COL24A1: variants seen among roughly 807,000 people sequenced by gnomAD.
COL24A1 encodes the protein collagen alpha-1(XXIV) chain.
A neutral mutation model predicts 253.9 loss-of-function variants in COL24A1; 224 were observed. The observed-to-expected ratio is 0.88, with a 90% CI of 0.79 to 0.99. The LOEUF (loss-of-function observed/expected upper bound fraction) is 0.99, where lower values mean the gene tolerates loss of function less well. COL24A1 is among the 50% of genes least tolerant of loss of function. The pLI is 0.00. For missense variants in COL24A1, 2,131 were observed against 2,068.5 expected (o/e 1.03, Z -0.59); for synonymous variants, 685 against 673.7 (o/e 1.02, Z -0.26).
At chr1:85,823,361 A>T (rs1673859736) in intron 45 of COL24A1, among the ~76,000 whole-genome samples, 175 bp downstream of exon 45, 1 of 152,228 alleles carries the variant, frequency 6.6e-6, no homozygotes, top group African/African-American at 2.4e-5. Context: ...GACTCAATCA[A>T]TAATTTTGTA....
intron 1 of COL24A1, among the ~76,000 whole-genome samples, chr1:86,152,175 T>G (rs11161757): frequency 0.084 from 12,741 of 152,238 alleles, 621 homozygotes; most frequent in East Asian, 0.22. Context: ...TACTTGCAAT[T>G]AATTTTTCAG....
intron 7 of COL24A1, among the ~76,000 whole-genome samples, chr1:86,078,983 C>T (rs1702441849): frequency 1.3e-5 from 2 of 151,932 alleles, no homozygotes; most frequent in Non-Finnish European, 2.9e-5. Context: ...ACCACAAAAA[C>T]CCAGAATAGC....
At chr1:85,845,943 A>C (rs543353526) in intron 39 of COL24A1, among the ~76,000 whole-genome samples, 1 of 151,918 alleles carries the variant, frequency 6.6e-6, no homozygotes, top group African/African-American at 2.4e-5. Context: ...CAAGAGTCAA[A>C]CTTTTTTGTA....
chr1:85,759,017 GCTCTAAAAA>G (rs1666566793), intron 55 of COL24A1, among the ~76,000 whole-genome samples: 1 of 151,780 alleles, frequency 6.6e-6, no homozygotes, highest in Middle Eastern at 3.4e-3. Context: ...TATTTCATTT[GCTCTAAAAA>G]TAATCCTGAA....
intron 53 of COL24A1, among the ~76,000 whole-genome samples, chr1:85,765,803 AT>A (rs1223877932): frequency 2.0e-5 from 3 of 152,090 alleles, no homozygotes; most frequent in Non-Finnish European, 2.9e-5. Flanking sequence ...ATAAGTTAAA[AT>A]TTTACTTAGA....
At position 85,928,742 on chromosome 1, in the gene COL24A1, A is replaced by C. The variant is rs1270324731; in HGVS notation, c.2563-17309T>G. ...GACTAATAGCGGATCTCTTGGCAGA[A>C]ACTCTATAAGCCAGAAGAGAGTGGG... On this transcript the variant is annotated intron_variant, in intron 24 of 59. Transcript: ENST00000370571. Among the ~76,000 whole-genome samples the C allele has an allele frequency of 7.9e-5, 5 of 63,640 alleles. 2 individuals carry two copies. The highest frequency in any genetic ancestry group is 1.6e-4 in the Non-Finnish European group (5 of 31,866). The allele number at this position is 63,640 out of a possible 152,430, so 41.8% of individuals were successfully genotyped here. A position where few individuals can be genotyped will look rare whatever the true frequency, so the allele number is the denominator to read the frequency against.
intron 23 of COL24A1, among the ~76,000 whole-genome samples, 184 bp downstream of exon 23, chr1:85,964,825 C>A (rs1440062196): frequency 6.6e-6 from 1 of 152,112 alleles, no homozygotes; most frequent in African/African-American, 2.4e-5. Context: ...ATAGGGGATA[C>A]TCAACCTGCA....
intron 35 of COL24A1, 97 bp downstream of exon 35, chr1:85,874,552 G>T: frequency 9.2e-7 from 1 of 1,083,878 alleles, no homozygotes; most frequent in Non-Finnish European, 1.3e-6. Context: ...TATCAGAAAG[G>T]TTTATTATCC....
rs1667423821 is a variant in COL24A1 at position 85,766,761 on chromosome 1, A to G, written c.4375-5195T>C. Among the ~76,000 whole-genome samples, 3 of 152,164 alleles carry G rather than the reference A, an allele frequency of 2.0e-5. No individual in the cohort carries two copies. In the South Asian group the frequency reaches 6.2e-4, roughly 32 times the overall value. On this transcript the variant is annotated intron_variant, in intron 53 of 59. Transcript: ENST00000370571. ...AGGTATAAAACTTGGTAAGGAGAGC[A>G]CAGTTTAATAAATTCATAGTTTAAT...
At chr1:85,826,723 G>C (rs1166596467) in intron 43 of COL24A1, among the ~76,000 whole-genome samples, 1 of 151,458 alleles carries the variant, frequency 6.6e-6, no homozygotes, top group African/African-American at 2.4e-5. Flanking sequence ...TTGGCTCTCT[G>C]TTTGTCTGTT....
chr1:86,052,442 A>T (rs1399212865), intron 10 of COL24A1, among the ~76,000 whole-genome samples: 1 of 152,150 alleles, frequency 6.6e-6, no homozygotes, highest in Non-Finnish European at 1.5e-5. Flanking sequence ...ACATAGATGG[A>T]CCTTAAAGAC....
chr1:85,833,330 G>T (rs940623361), intron 43 of COL24A1, among the ~76,000 whole-genome samples: 1 of 152,154 alleles, frequency 6.6e-6, no homozygotes, highest in Non-Finnish European at 1.5e-5. Flanking sequence ...CTTCTCAAAA[G>T]AAGACATTTA....
chr1:85,948,265 C>T (rs1301447702), intron 24 of COL24A1, among the ~76,000 whole-genome samples: 1 of 152,048 alleles, frequency 6.6e-6, no homozygotes, highest in Non-Finnish European at 1.5e-5. Flanking sequence ...TGGCTCACGC[C>T]TGTAATCCCA....
At chr1:85,732,802 ATAAT>A (rs1230151805) in intron 59 of COL24A1, among the ~76,000 whole-genome samples, 3 of 152,198 alleles carry the variant, frequency 2.0e-5, no homozygotes, top group African/African-American at 7.2e-5. Flanking sequence ...TATGAATAAA[ATAAT>A]TAATGTAATG....
intron 19 of COL24A1, among the ~76,000 whole-genome samples, chr1:86,010,735 T>C (rs1696411787): frequency 6.6e-6 from 1 of 151,992 alleles, no homozygotes; most frequent in African/African-American, 2.4e-5. Flanking sequence ...AACTGATACA[T>C]CCACACAATG....
chr1:86,131,322 A>C (rs1649142201), intron 2 of COL24A1, among the ~76,000 whole-genome samples: 1 of 151,816 alleles, frequency 6.6e-6, no homozygotes, highest in Non-Finnish European at 1.5e-5. Context: ...ACTTTTAATG[A>C]ATTGTATCCT....
At chr1:86,081,015 T>C (rs937560091) in intron 7 of COL24A1, among the ~76,000 whole-genome samples, 2 of 152,154 alleles carry the variant, frequency 1.3e-5, no homozygotes, top group African/African-American at 4.8e-5. Flanking sequence ...TGTTAAAAAC[T>C]CTCTTACTGT....
intron 2 of COL24A1, among the ~76,000 whole-genome samples, chr1:86,143,394 T>C (rs887433016): frequency 1.3e-5 from 2 of 152,046 alleles, no homozygotes; most frequent in Admixed American, 6.6e-5. Context: ...TTAGTGATAG[T>C]GACATAGAAC....
At chr1:85,745,065 G>T (rs1230201829) in intron 56 of COL24A1, among the ~76,000 whole-genome samples, 1 of 151,818 alleles carries the variant, frequency 6.6e-6, no homozygotes, top group Non-Finnish European at 1.5e-5. Flanking sequence ...GAATTGCTAT[G>T]TCTACTGTAT....
Sources: gnomAD v4.1 joint callset for allele counts (sites outside exome capture counted in the v4.1 genomes callset) on GRCh38, gnomAD v4.1.1 for gene constraint, MANE v1.5 for transcripts, NCBI Gene and HGNC (gene_info 2026-07-23, HGNC 2026-07-21) for gene names.